PTPRG: variants seen among roughly 807,000 people sequenced by gnomAD.
PTPRG encodes receptor-type tyrosine-protein phosphatase gamma.
PTPRG carries 102 observed loss-of-function variants against 165.3 expected under a neutral mutation model. That is an observed-to-expected ratio of 0.62 (90% confidence interval 0.53 to 0.73). The LOEUF is 0.73. Ranked by LOEUF, PTPRG falls within the 30% of genes least tolerant of loss-of-function variation. The pLI is 0.00. For synonymous variants in PTPRG, 675 were observed against 669.5 expected (o/e 1.01, Z -0.13); for missense variants, 1,866 against 1,861.4 (o/e 1.00, Z -0.05).
chr3:61,722,185 C>T (rs549704929), intron 1 of PTPRG, among the ~76,000 whole-genome samples: 4 of 151,122 alleles, frequency 2.6e-5, no homozygotes, highest in South Asian at 4.2e-4. Flanking sequence ...CCTTCCATAG[C>T]GAAAGGTGGA....
intron 2 of PTPRG, among the ~76,000 whole-genome samples, chr3:61,939,890 T>C: frequency 6.8e-6 from 1 of 146,618 alleles, no homozygotes; most frequent in Non-Finnish European, 1.5e-5. Flanking sequence ...GAAAGAAGTA[T>C]TGGTGGGGTC....
At chr3:62,133,353 T>G (rs982669875) in intron 6 of PTPRG, among the ~76,000 whole-genome samples, 3 of 152,250 alleles carry the variant, frequency 2.0e-5, no homozygotes, top group African/African-American at 7.2e-5. Flanking sequence ...TGCAAAGTTT[T>G]AATAATCTAA....
At chr3:62,007,523 T>C (rs1203395477) in intron 4 of PTPRG, among the ~76,000 whole-genome samples, 2 of 152,228 alleles carry the variant, frequency 1.3e-5, no homozygotes, top group African/African-American at 4.8e-5. Flanking sequence ...CCTCACCTCC[T>C]GTTACTGAGC....
intron 3 of PTPRG, among the ~76,000 whole-genome samples, chr3:61,999,511 T>G (rs978830790): frequency 6.6e-6 from 1 of 152,358 alleles, no homozygotes; most frequent in African/African-American, 2.4e-5. Flanking sequence ...ACACCATTCA[T>G]TGTTCTCCTG....
intron 1 of PTPRG, among the ~76,000 whole-genome samples, chr3:61,727,422 G>A (rs896749858): frequency 2.6e-5 from 4 of 152,040 alleles, no homozygotes; most frequent in Admixed American, 6.6e-5. Context: ...TGGGATTTGG[G>A]ATTATGGGCA....
At chr3:62,098,809 C>T (rs1000911145) in intron 5 of PTPRG, among the ~76,000 whole-genome samples, 6 of 152,188 alleles carry the variant, frequency 3.9e-5, no homozygotes, top group African/African-American at 1.2e-4. Flanking sequence ...AGTCTGGTAT[C>T]TTCCAACCTT....
chr3:62,070,532 C>G (rs1431650245), intron 4 of PTPRG, among the ~76,000 whole-genome samples: 1 of 152,226 alleles, frequency 6.6e-6, no homozygotes, highest in Non-Finnish European at 1.5e-5. Flanking sequence ...CAGCCTTGCA[C>G]TGCACAGACT....
chr3:61,871,147 T>TGTGTG (rs2037563456), intron 2 of PTPRG, among the ~76,000 whole-genome samples: 3 of 128,700 alleles, frequency 2.3e-5, no homozygotes, highest in Non-Finnish European at 4.8e-5. Context: ...TGTGTTGTGT[T>TGTGTG]GTGTTGTGTT....
intron 2 of PTPRG, among the ~76,000 whole-genome samples, chr3:61,809,042 A>C (rs2035497684): frequency 6.7e-6 from 1 of 150,200 alleles, no homozygotes; most frequent in African/African-American, 2.5e-5. Context: ...TTTTCTTGTA[A>C]AATGGGGGTA....
At chr3:61,971,868 G>GA (rs2040391956) in intron 2 of PTPRG, among the ~76,000 whole-genome samples, 1 of 152,006 alleles carries the variant, frequency 6.6e-6, no homozygotes, top group South Asian at 2.1e-4. Context: ...CTTCAAGGAA[G>GA]AAAAAACAAA....
intron 2 of PTPRG, among the ~76,000 whole-genome samples, chr3:61,925,542 G>A (rs186342384): frequency 1.3e-5 from 2 of 152,238 alleles, no homozygotes; most frequent in African/African-American, 2.4e-5. Flanking sequence ...TGAGGAGTTC[G>A]AGACCAGCCT....
intron 2 of PTPRG, among the ~76,000 whole-genome samples, chr3:61,881,602 T>C (rs888377692): frequency 2.6e-5 from 4 of 152,208 alleles, no homozygotes; most frequent in East Asian, 3.8e-4. Context: ...AAGTTAGTAA[T>C]ACAGTGAATG....
Position 61,699,097 on chromosome 3 carries a change from G to A in PTPRG, c.86-49781G>A, listed in dbSNP as rs138255341. ...ATCACGAGTTAATGGGTGCAGCACA[G>A]CAACATGGCACATGTATACATATGT... On this transcript the variant is annotated intron_variant, in intron 1 of 29. Transcript: ENST00000474889. Among the ~76,000 whole-genome samples, 362 of 152,136 alleles carry A rather than the reference G, an allele frequency of 2.4e-3. 8 individuals carry two copies. The East Asian group carries it at 0.056, about 24-fold the overall frequency.
At chr3:62,253,621 A>C (rs1403793116) in intron 15 of PTPRG, among the ~76,000 whole-genome samples, 1 of 152,132 alleles carries the variant, frequency 6.6e-6, no homozygotes, top group Admixed American at 6.6e-5. Context: ...TAATTTTGGA[A>C]ATTTTCTTGA....
chr3:62,157,490 A>C (rs1704581777), intron 7 of PTPRG, among the ~76,000 whole-genome samples: 1 of 152,226 alleles, frequency 6.6e-6, no homozygotes, highest in Non-Finnish European at 1.5e-5. Context: ...AATCTTGAGG[A>C]GGTAATAATA....
chr3:61,842,347 A>T (rs948321230), intron 2 of PTPRG, among the ~76,000 whole-genome samples: 8 of 152,222 alleles, frequency 5.3e-5, no homozygotes, highest in African/African-American at 9.6e-5. Context: ...AAACACATTT[A>T]TATGCTCTCT....
chr3:61,868,727 G>C (rs188040239), intron 2 of PTPRG, among the ~76,000 whole-genome samples: 42 of 152,292 alleles, frequency 2.8e-4, no homozygotes, highest in African/African-American at 9.6e-4. Context: ...AAACTCTCCA[G>C]GGTTGTGGTC....
At chr3:61,641,754 G>A (rs1003905739) in intron 1 of PTPRG, among the ~76,000 whole-genome samples, 3 of 152,188 alleles carry the variant, frequency 2.0e-5, no homozygotes, top group Admixed American at 1.3e-4. Flanking sequence ...TTTGGAAGGA[G>A]TGGGCCCAAA....
chr3:62,103,808 G>A (rs549941730), intron 5 of PTPRG, among the ~76,000 whole-genome samples: 53 of 152,282 alleles, frequency 3.5e-4, no homozygotes, highest in Middle Eastern at 3.4e-3. Context: ...CACCAGCTGA[G>A]GAGTTGTTTC....
Sources: allele counts gnomAD v4.1 joint callset (sites outside exome capture counted in the v4.1 genomes callset), GRCh38; gene constraint gnomAD v4.1.1; transcripts MANE v1.5; gene names NCBI Gene and HGNC (gene_info 2026-07-23, HGNC 2026-07-21).